Variants in SPADH observed in about 807,000 individuals in gnomAD.
SPADH encodes the protein CUB domain-containing protein.
chr10:122,677,549 G>T, the SPADH span, among the ~76,000 whole-genome samples: 1 of 152,184 alleles, frequency 6.6e-6, no homozygotes, highest in African/African-American at 2.4e-5. Context: ...GCCACAGAAG[G>T]CATTTCCAAT....
chr10:122,672,910 C>G, the SPADH span: 8 of 985,334 alleles, frequency 8.1e-6, no homozygotes, highest in African/African-American at 1.2e-4. Context: ...TTCGCTTGGC[C>G]GCTGCTGTGC....
At chr10:122,679,064 A>AG in the SPADH span, 8 of 967,984 alleles carry the variant, frequency 8.3e-6, no homozygotes, top group Non-Finnish European at 9.8e-6. Flanking sequence ...AGATCGGGGG[A>AG]AGAGGCACCT....
chr10:122,677,657 C>A, the SPADH span, among the ~76,000 whole-genome samples: 1 of 152,164 alleles, frequency 6.6e-6, no homozygotes, highest in Non-Finnish European at 1.5e-5. Flanking sequence ...CAAACACAGC[C>A]CACAATGGTG....
At chr10:122,678,648 G>C in the SPADH span, among the ~76,000 whole-genome samples, 1 of 152,090 alleles carries the variant, frequency 6.6e-6, no homozygotes, top group African/African-American at 2.4e-5. Context: ...AAGTTTTCTG[G>C]GAAGATGGAG....
the SPADH span, chr10:122,675,616 T>C: frequency 1.0e-6 from 1 of 979,446 alleles, no homozygotes; most frequent in Non-Finnish European, 1.2e-6. Context: ...TTTCATGGTT[T>C]TTTTTGTTTT....
the SPADH span, among the ~76,000 whole-genome samples, chr10:122,678,178 G>C: frequency 6.6e-6 from 1 of 152,130 alleles, no homozygotes; most frequent in African/African-American, 2.4e-5. Context: ...AGACCTGCTG[G>C]GGCCTGAGGA....
At chr10:122,676,492 A>C in the SPADH span, among the ~76,000 whole-genome samples, 345 of 152,352 alleles carry the variant, frequency 2.3e-3, 3 homozygotes, top group Middle Eastern at 0.017. Flanking sequence ...AGAAAGTTTT[A>C]GTAAGGGGAG....
the SPADH span, among the ~76,000 whole-genome samples, chr10:122,677,631 C>G: frequency 6.6e-6 from 1 of 152,202 alleles, no homozygotes; most frequent in Admixed American, 6.5e-5. Context: ...ACATTTCCAT[C>G]AATTCCAGAC....
At chr10:122,672,927 G>A in the SPADH span, 1 of 985,346 alleles carries the variant, frequency 1.0e-6, no homozygotes, top group South Asian at 4.7e-5. Flanking sequence ...GTGCAGTATA[G>A]GTAACGCATG....
At chr10:122,672,870 G>A in the SPADH span, 3 of 985,442 alleles carry the variant, frequency 3.0e-6, no homozygotes, top group Non-Finnish European at 3.6e-6. Flanking sequence ...TTGGTGCCAG[G>A]CCCTGCTGAG....
the SPADH span, chr10:122,676,623 T>G: frequency 4.6e-6 from 3 of 654,102 alleles, no homozygotes; most frequent in Non-Finnish European, 5.7e-6. Context: ...GACTGGGCCA[T>G]TAAGGTTGAA....
the SPADH span, among the ~76,000 whole-genome samples, chr10:122,673,891 T>A: frequency 6.6e-6 from 1 of 152,182 alleles, no homozygotes; most frequent in Non-Finnish European, 1.5e-5. Context: ...AGCCTCACTG[T>A]AGGCCCCAGC....
the SPADH span, chr10:122,676,978 C>T: frequency 1.1e-6 from 1 of 897,702 alleles, no homozygotes; most frequent in Non-Finnish European, 1.3e-6. Context: ...TCACCTTCCA[C>T]CCTATCCATG....
chr10:122,675,895 C>T, the SPADH span, among the ~76,000 whole-genome samples: 33 of 152,046 alleles, frequency 2.2e-4, no homozygotes, highest in African/African-American at 7.2e-4. Flanking sequence ...CACCTCCAAG[C>T]CCCCCCGAAG....
the SPADH span, among the ~76,000 whole-genome samples, chr10:122,674,668 T>A: frequency 6.6e-6 from 1 of 152,218 alleles, no homozygotes; most frequent in African/African-American, 2.4e-5. Flanking sequence ...TGAGGATTGC[T>A]AATTTACTTA....
At chr10:122,679,059 G>A in the SPADH span, 6 of 978,068 alleles carry the variant, frequency 6.1e-6, no homozygotes, top group African/African-American at 1.8e-5. Flanking sequence ...TAGGAAGATC[G>A]GGGGAAGAGG....
chr10:122,672,859 G>A, the SPADH span: 2 of 985,338 alleles, frequency 2.0e-6, no homozygotes, highest in African/African-American at 1.7e-5. Flanking sequence ...CACTCCTGAG[G>A]TTGGTGCCAG....
the SPADH span, among the ~76,000 whole-genome samples, chr10:122,676,386 A>G: frequency 4.6e-5 from 7 of 152,128 alleles, no homozygotes; most frequent in African/African-American, 1.7e-4. Flanking sequence ...CCTATTTGTT[A>G]TTTGTCCAGC....
chr10:122,679,227 G>T, the SPADH span, among the ~76,000 whole-genome samples: 2 of 152,054 alleles, frequency 1.3e-5, no homozygotes, highest in African/African-American at 2.4e-5. Flanking sequence ...TCCAGAAAAA[G>T]GTACGGGTTC....
Sources: allele counts gnomAD v4.1 joint callset (sites outside exome capture counted in the v4.1 genomes callset), GRCh38; gene constraint gnomAD v4.1.1; transcripts MANE v1.5; gene names NCBI Gene and HGNC (gene_info 2026-07-23, HGNC 2026-07-21).